Variants in RELA observed in about 807,000 individuals in gnomAD.
RELA encodes transcription factor p65.
Under a neutral mutation model 56.7 loss-of-function variants are expected in RELA, and 14 were observed. The observed-to-expected ratio is 0.25, with a 90% CI of 0.16 to 0.39. The LOEUF is 0.39. Among genes scored for constraint, RELA ranks in the 10% least tolerant of loss-of-function variants. The probability of loss-of-function intolerance (pLI) is 1.00; values close to 1 mark genes in which losing one functional copy is unlikely to be tolerated. For synonymous variants in RELA, 315 were observed against 289.7 expected (o/e 1.09, Z -0.89); for missense variants, 559 against 736.4 (o/e 0.76, Z 2.79).
chr11:65,654,039 G>T lies in RELA; in HGVS notation c.*339C>A, dbSNP rs771288784. On this transcript the variant is annotated 3_prime_UTR_variant, in exon 11 of 11. Coordinates refer to ENST00000406246, the MANE Select transcript of RELA (RefSeq NM_021975.4). ...GGCTCAAAGGCCTTACCTCCAGCCT[G>T]CTTCTGTCTCTAGGAGAGTACCAGA... 2.6e-6 allele frequency: 1 copy of T among 379,174 alleles called. No individual in the cohort carries two copies. Among genetic ancestry groups the T allele is most frequent in the Non-Finnish European group, 4.9e-6 (1 of 202,138 alleles). 23.5% of individuals were successfully genotyped at this position (379,174 alleles called of 1,614,324 possible). A position where few individuals can be genotyped will look rare whatever the true frequency, so the allele number is the denominator to read the frequency against.
intron 8 of RELA, among the ~76,000 whole-genome samples, chr11:65,657,197 C>T (rs534714681): frequency 1.3e-5 from 2 of 152,218 alleles, no homozygotes; most frequent in South Asian, 4.1e-4. Flanking sequence ...AAACCTTGGG[C>T]ATTCCAAGCA....
At position 65,658,827 on chromosome 11, in the gene RELA, G is replaced by C; in HGVS notation, c.560-5C>G. ...GCTCGGCAGTGTTGGGGGCACCTGAGGCAGTGAAAACAAGGGAGGATGACC... is the reference window on the plus strand; with the variant it reads ...GCTCGGCAGTGTTGGGGGCACCTGACGCAGTGAAAACAAGGGAGGATGACC... On this transcript the variant is annotated splice_region_variant and splice_polypyrimidine_tract_variant and intron_variant, in intron 6 of 10. Transcript: ENST00000406246. This position sits in a 1 kb window ranked among gnomAD's most constrained non-coding sequence, Gnocchi z 4.5. The C allele has an allele frequency of 6.2e-7, 1 of 1,613,696 alleles. No individual in the cohort carries two copies. Among genetic ancestry groups the C allele is most frequent in the African/African-American group, 1.3e-5 (1 of 74,970 alleles).
chr11:65,660,270 G>C, intron 4 of RELA, 55 bp from the exon 5 acceptor site: 11 of 1,517,054 alleles, frequency 7.3e-6, no homozygotes, highest in Middle Eastern at 1.7e-4. Context: ...AGACCTTCCT[G>C]CCTTGCCCAG....
intron 10 of RELA, 197 bp from the exon 11 acceptor site, chr11:65,655,197 G>A: frequency 1.7e-6 from 1 of 600,196 alleles, no homozygotes; most frequent in South Asian, 2.0e-5. Context: ...CCACCTTGGA[G>A]TCCTCCCTGA....
At chr11:65,659,925 G>C (rs1856522817) in intron 5 of RELA, 128 bp from the exon 6 acceptor site, 1 of 1,318,270 alleles carries the variant, frequency 7.6e-7, no homozygotes, top group Non-Finnish European at 1.0e-6. Context: ...AGAGGAGGCA[G>C]AACCCAGCAC....
At chr11:65,657,036 A>G (rs1856449267) in intron 8 of RELA, among the ~76,000 whole-genome samples, 1 of 151,076 alleles carries the variant, frequency 6.6e-6, no homozygotes, top group Admixed American at 6.6e-5. Flanking sequence ...CAAACAAACA[A>G]ACAAAACCAA....
In RELA at chr11:65,654,500, CG is replaced by C. The variant is rs753829254; in HGVS notation, c.1533del (p.Asp512ThrfsTer35). 1 of 1,601,014 alleles carries C rather than the reference CG, an allele frequency of 6.2e-7. No homozygotes were observed. On this transcript the variant is annotated frameshift_variant, in exon 11 of 11. Transcript: ENST00000406246. LOFTEE classifies it high-confidence loss of function. The part of the protein sequence containing the change: ...TRLVTGAQRP[P>X]DPAPAPLGAP... ...GCCCCCAGTGGAGCAGGAGCTGGGT[CG>C]GGGGGCCTCTGGGCCCCTGTCACTA...
Position 65,653,817 on chromosome 11 carries a change from T to C in RELA, c.*561A>G, listed in dbSNP as rs1856343192. The C allele has an allele frequency of 1.7e-5, 3 of 173,204 alleles. No individual in the cohort carries two copies. In the South Asian group the frequency reaches 3.1e-4, roughly 18 times the overall value. The allele number at this position is 173,204 out of a possible 1,614,324, so 10.7% of individuals were successfully genotyped here. On this transcript the variant is annotated 3_prime_UTR_variant, in exon 11 of 11. Transcript: ENST00000406246. ...GGATCCTGGAGAGAGCCAGTGCTGT[T>C]GCACTGGTTTCCTTCAGCCATGGTT...
Position 65,658,955 on chromosome 11 carries a change from A to G in RELA, c.560-133T>C. Reference sequence around the variant, plus strand: ...GCTTGCCACCTACACCTTTGTAGCCAAAGTCAGACCTTCTTATTAGCTCCT... The same window carrying G: ...GCTTGCCACCTACACCTTTGTAGCCGAAGTCAGACCTTCTTATTAGCTCCT... On this transcript the variant is annotated intron_variant, in intron 6 of 10. Coordinates refer to ENST00000406246, the MANE Select transcript of RELA (RefSeq NM_021975.4). This position sits in a 1 kb window ranked among gnomAD's most constrained non-coding sequence, Gnocchi z 4.5. The G allele has an allele frequency of 1.4e-6, 1 of 709,850 alleles. No homozygotes were observed. The highest frequency in any genetic ancestry group is 2.7e-5 in the East Asian group (1 of 37,504). The allele number at this position is 709,850 out of a possible 1,614,324, so 44.0% of individuals were successfully genotyped here.
chr11:65,663,743 C>T (rs76321190), upstream of RELA, among the ~76,000 whole-genome samples: 2,975 of 151,958 alleles, frequency 0.02, 91 homozygotes, highest in African/African-American at 0.068. Flanking sequence ...CCCCCTGCCC[C>T]CGCCTGTGTT....
At position 65,658,706 on chromosome 11, in the gene RELA, C is replaced by T; in HGVS notation, c.664+12G>A. 1.9e-6 allele frequency: 3 copies of T among 1,611,112 alleles called. No individual in the cohort carries two copies. Among genetic ancestry groups the T allele is most frequent in the African/African-American group, 2.7e-5 (2 of 74,976 alleles). On this transcript the variant is annotated intron_variant, in intron 7 of 10. Coordinates refer to ENST00000406246, the MANE Select transcript of RELA (RefSeq NM_021975.4). The surrounding 1 kb of genome is among the most constrained non-coding windows in gnomAD (Gnocchi z 4.5). The stretch of plus-strand genomic sequence containing the variant: ...TGCTCCCAAGAGCCCACCCCTGCCT[C>T]CTGATGTATACCTTTCTGCACCTTG...
At chr11:65,662,634 C>T (rs1856602302) in intron 1 of RELA, 192 bp downstream of exon 1, 1 of 390,778 alleles carries the variant, frequency 2.6e-6, no homozygotes, top group Non-Finnish European at 4.3e-6. Context: ...AAGGGCCACC[C>T]CCTCCACCCA....
At chr11:65,663,248 C>T (rs891617304), upstream of RELA, among the ~76,000 whole-genome samples, 2 of 152,152 alleles carry the variant, frequency 1.3e-5, no homozygotes, top group African/African-American at 4.8e-5. Flanking sequence ...GGGTCTGGAG[C>T]AAAGCCAGGG....
At chr11:65,661,071 C>T (rs1011757997) in intron 4 of RELA, among the ~76,000 whole-genome samples, 2 of 150,804 alleles carry the variant, frequency 1.3e-5, no homozygotes, top group Non-Finnish European at 3.0e-5. Flanking sequence ...GACAAGGTAT[C>T]GCCCTGCCAC....
At chr11:65,657,183 A>G (rs1856453096) in intron 8 of RELA, among the ~76,000 whole-genome samples, 1 of 152,192 alleles carries the variant, frequency 6.6e-6, no homozygotes, top group Non-Finnish European at 1.5e-5. Context: ...AGCCACTTGC[A>G]TTAAAACCTT....
chr11:65,655,846 C>G lies in RELA; in HGVS notation c.958+9G>C. 6.2e-7 allele frequency: 1 copy of G among 1,613,896 alleles called. No individual in the cohort carries two copies. Among genetic ancestry groups the G allele is most frequent in the Non-Finnish European group, 8.5e-7 (1 of 1,179,778 alleles). ...CCTTCCTCTCTGGCTTTCCCAGTCC[C>G]CATCTCACCGCTGAAAGGACTCTTC... On this transcript the variant is annotated intron_variant, in intron 9 of 10. Transcript: ENST00000406246.
At chr11:65,660,687 A>C in intron 4 of RELA, 1 of 162,714 alleles carries the variant, frequency 6.1e-6, no homozygotes, top group Admixed American at 6.2e-5. Context: ...TTCAGGACTG[A>C]AACTGTTACT....
rs922228202 is a variant in RELA, at chr11:65,654,230, A to G, written c.*148T>C. 1.1e-5 allele frequency: 10 copies of G among 950,724 alleles called. No individual in the cohort carries two copies. The African/African-American group carries it at 1.5e-4, about 14-fold the overall frequency. The allele number at this position is 950,724 out of a possible 1,614,324, so 58.9% of individuals were successfully genotyped here. A position where few individuals can be genotyped will look rare whatever the true frequency, so the allele number is the denominator to read the frequency against. On this transcript the variant is annotated 3_prime_UTR_variant, in exon 11 of 11. Coordinates refer to ENST00000406246, the MANE Select transcript of RELA (RefSeq NM_021975.4). ...AGAGAGAGATACAGATACTGACAATAAAAGAATAAAATATGGCTCCCCCCT... is the reference window on the plus strand; with the variant it reads ...AGAGAGAGATACAGATACTGACAATGAAAGAATAAAATATGGCTCCCCCCT...
intron 8 of RELA, among the ~76,000 whole-genome samples, chr11:65,657,669 C>A (rs561191994): frequency 6.6e-6 from 1 of 152,360 alleles, no homozygotes; most frequent in South Asian, 2.1e-4. Context: ...CTTCTCCATG[C>A]AGCTGTCTCC....
Sources: allele counts gnomAD v4.1 joint callset (sites outside exome capture counted in the v4.1 genomes callset), GRCh38; gene constraint gnomAD v4.1.1; non-coding constraint Gnocchi (gnomAD v3.1); transcripts MANE v1.5; gene names NCBI Gene and HGNC (gene_info 2026-07-23, HGNC 2026-07-21).